Variants in HMCN1 observed in about 807,000 individuals in gnomAD.
HMCN1 encodes the protein hemicentin 1.
A neutral mutation model predicts 625.9 loss-of-function variants in HMCN1; 321 were observed. The ratio of observed to expected loss-of-function variants is 0.51; its 90% CI spans 0.47 to 0.56. HMCN1 has a LOEUF of 0.56. HMCN1 is among the 20% of genes least tolerant of loss of function. The pLI, the probability that HMCN1 is intolerant of heterozygous loss-of-function variation, is 0.00. For synonymous variants in HMCN1, 2,425 were observed against 2,417.6 expected (o/e 1.00, Z -0.09); for missense variants, 6,588 against 6,887.3 (o/e 0.96, Z 1.54).
At chr1:185,778,167 C>T (rs1278642266) in intron 1 of HMCN1, among the ~76,000 whole-genome samples, 2 of 152,070 alleles carry the variant, frequency 1.3e-5, no homozygotes, top group African/African-American at 2.4e-5. Context: ...TGATTAATCC[C>T]AGCAGCTCTT....
At chr1:185,792,533 C>A (rs1658077086) in intron 1 of HMCN1, among the ~76,000 whole-genome samples, 1 of 151,698 alleles carries the variant, frequency 6.6e-6, no homozygotes, top group African/African-American at 2.4e-5. Context: ...CTATTCAGCC[C>A]CAGAATCTTC....
intron 36 of HMCN1, among the ~76,000 whole-genome samples, chr1:186,035,149 C>T (rs1655735887): frequency 6.6e-6 from 1 of 152,010 alleles, no homozygotes; most frequent in Non-Finnish European, 1.5e-5. Flanking sequence ...ATTTATAAGT[C>T]TTGTGTCCTT....
chr1:185,937,415 C>CT (rs1030618871), intron 11 of HMCN1, among the ~76,000 whole-genome samples: 5 of 152,068 alleles, frequency 3.3e-5, no homozygotes, highest in African/African-American at 9.7e-5. Flanking sequence ...CTCCTGTGAG[C>CT]TTTTTTTATA....
rs1271015187 is a variant in HMCN1, at chr1:186,174,531, G to T, written c.15832G>T (p.Asp5278Tyr). The T allele has an allele frequency of 7.4e-6, 12 of 1,613,780 alleles. No individual in the cohort carries two copies. Among genetic ancestry groups the T allele is most frequent in the Non-Finnish European group, 1.0e-5 (12 of 1,179,804 alleles). The change falls in exon 103 of 107, where the codon GAT becomes TAT. Residue 5278 changes from aspartate to tyrosine, a missense_variant. By Grantham distance (160) the Asp-to-Tyr change is radical (BLOSUM62 -3). Coordinates refer to ENST00000271588, the MANE Select transcript of HMCN1 (RefSeq NM_031935.3). ...GTCTGTAGATATTGATGAATGTAAA[G>T]ATGGGACCCATCAGTGCAGATATAA... ...GTCIDIDECK[D>Y]GTHQCRYNQI...
In HMCN1 at chr1:186,055,564, G is replaced by T; in HGVS notation, c.7034G>T (p.Gly2345Val). Reference protein sequence around the residue: ...KAKGVEILDEGHILQLKNIHV... With the variant: ...KAKGVEILDEVHILQLKNIHV... ...AAGGGAGTAGAAATACTGGATGAAG[G>T]TCACATCCTTCAGCTGAAGAACATT... The change falls in exon 45 of 107, where the codon GGT becomes GTT. Residue 2345 changes from glycine (G) to valine (V), a missense_variant. This residue lies in a region of HMCN1 where 4,628 missense variants were observed against 4,853.1 expected (regional missense o/e 0.95). Transcript: ENST00000271588. 6 of 1,612,784 alleles carry T rather than the reference G, an allele frequency of 3.7e-6. No homozygotes were observed. Among genetic ancestry groups the T allele is most frequent in the Middle Eastern group, 3.3e-4 (2 of 6,056 alleles).
At chr1:185,920,938 A>C (rs140222118) in intron 6 of HMCN1, among the ~76,000 whole-genome samples, 1 of 152,250 alleles carries the variant, frequency 6.6e-6, no homozygotes, top group Non-Finnish European at 1.5e-5. Context: ...ACTGACTTAC[A>C]TGAAATTAGT....
chr1:185,968,480 T>TGATATATA (rs1553266887), intron 14 of HMCN1, among the ~76,000 whole-genome samples: 63 of 149,324 alleles, frequency 4.2e-4, no homozygotes, highest in African/African-American at 1.5e-3. Context: ...ATTTCTAAAA[T>TGATATATA]TATATATATA....
chr1:185,936,288 A>G (rs1198810341), intron 11 of HMCN1, among the ~76,000 whole-genome samples: 2 of 152,136 alleles, frequency 1.3e-5, no homozygotes, highest in African/African-American at 4.8e-5. Context: ...AATAAATTAT[A>G]TATAAAGACT....
Position 185,734,768 on chromosome 1 carries a change from A to C in HMCN1, c.-12A>C. ...GGCGCTGAGGGGGAAAAAGAGGGGG[A>C]AAAAAAAGAAAATGATTTCCTGGGA... On this transcript the variant is annotated 5_prime_UTR_variant, in exon 1 of 107. Transcript: ENST00000271588. 1 of 1,611,920 alleles carries C rather than the reference A, an allele frequency of 6.2e-7. No homozygotes were observed. Among genetic ancestry groups the C allele is most frequent in the Non-Finnish European group, 8.5e-7 (1 of 1,178,282 alleles).
rs114305799 is a variant in HMCN1 at position 185,864,499 on chromosome 1, T to C, written c.369T>C (p.Ile123=). 871 of 1,614,052 alleles carry C rather than the reference T, an allele frequency of 5.4e-4. 3 individuals are homozygous for C. The highest frequency in any genetic ancestry group is 1.7e-3 in the African/African-American group (128 of 75,040). Residue 123 remains isoleucine, a synonymous_variant, in exon 3 of 107, where the codon ATT becomes ATC. Transcript: ENST00000271588. ...QGGGDCPEMS[I]GAIKIALEIS... ...GTGGTGATTGCCCAGAAATGAGTAT[T>C]GGAGCTATAAAAATTGCCTTGGAAA...
At chr1:185,869,464 G>T (rs1438691942) in intron 4 of HMCN1, among the ~76,000 whole-genome samples, 1 of 152,106 alleles carries the variant, frequency 6.6e-6, no homozygotes, top group Non-Finnish European at 1.5e-5. Flanking sequence ...TGCTTTTAAA[G>T]TGGGGAAAAC....
intron 97 of HMCN1, among the ~76,000 whole-genome samples, chr1:186,162,021 C>T (rs914321558): frequency 1.2e-4 from 18 of 152,182 alleles, no homozygotes; most frequent in Non-Finnish European, 2.5e-4. Flanking sequence ...TGTTTTCCAA[C>T]TTGGTTCCCT....
intron 22 of HMCN1, among the ~76,000 whole-genome samples, chr1:185,991,382 T>G (rs1389937856): frequency 6.6e-6 from 1 of 152,148 alleles, no homozygotes; most frequent in African/African-American, 2.4e-5. Flanking sequence ...ATCAGAAAGT[T>G]TTATTGTTCC....
rs1311469320 is a variant in HMCN1 at position 186,001,426 on chromosome 1, C to A, written c.4198C>A (p.Gln1400Lys). Residue 1400 changes from glutamine (Q) to lysine (K), a missense_variant and splice_region_variant, in exon 27 of 107, where the codon CAG becomes AAG. Around this residue, in one of 3 missense-constraint regions of HMCN1, gnomAD observed 4,628 missense variants for 4,853.1 expected, o/e 0.95. Transcript: ENST00000271588. ...PIIMWYKDNV[Q>K]VTESSTIQTV... ...CATTATGTGGTATAAAGATAATGTC[C>A]AGGTAAATAGAGTCATCCAAATACG... 1.2e-6 allele frequency: 2 copies of A among 1,612,474 alleles called. No individual in the cohort carries two copies. Among genetic ancestry groups the A allele is most frequent in the Non-Finnish European group, 1.7e-6 (2 of 1,178,836 alleles).
intron 1 of HMCN1, among the ~76,000 whole-genome samples, chr1:185,749,478 C>T (rs541263099): frequency 5.6e-4 from 85 of 152,236 alleles, no homozygotes; most frequent in Admixed American, 4.9e-3. Context: ...TAATAAGTAC[C>T]TCACGTTTAT....
chr1:185,849,747 G>A (rs1034039188), intron 2 of HMCN1, among the ~76,000 whole-genome samples: 9 of 151,944 alleles, frequency 5.9e-5, no homozygotes, highest in Non-Finnish European at 1.3e-4. Flanking sequence ...AAATTGAATT[G>A]TATTTGATAA....
At chr1:185,938,879 T>A (rs570079094) in intron 11 of HMCN1, among the ~76,000 whole-genome samples, 4 of 152,194 alleles carry the variant, frequency 2.6e-5, no homozygotes, top group African/African-American at 7.2e-5. Context: ...AATTGAGAAT[T>A]CCAACTGACA....
intron 24 of HMCN1, 54 bp downstream of exon 24, chr1:185,995,141 G>T: frequency 6.7e-7 from 1 of 1,497,780 alleles, no homozygotes; most frequent in East Asian, 2.3e-5. Flanking sequence ...TGAGAGAAAA[G>T]CCCTAGAGCT....
chr1:186,015,872 AAAAC>A, intron 31 of HMCN1, 82 bp from the exon 32 acceptor site: 1 of 1,314,108 alleles, frequency 7.6e-7, no homozygotes, highest in Middle Eastern at 1.8e-4. Context: ...TTTGTGAGAA[AAAAC>A]AAAAGCTCTT....
Sources: gnomAD v4.1 joint callset for allele counts (sites outside exome capture counted in the v4.1 genomes callset) on GRCh38, gnomAD v4.1.1 for gene constraint, gnomAD v4.1.1 regional missense constraint, MANE v1.5 for transcripts, NCBI Gene and HGNC (gene_info 2026-07-23, HGNC 2026-07-21) for gene names.